HPSE2: variants seen among roughly 807,000 people sequenced by gnomAD.
HPSE2 encodes heparanase 2 (inactive).
A neutral mutation model predicts 60.5 loss-of-function variants in HPSE2; 38 were observed. The observed-to-expected ratio is 0.63, with a 90% CI of 0.48 to 0.82. The LOEUF is 0.82. Among genes scored for constraint, HPSE2 ranks in the 40% least tolerant of loss-of-function variants. The pLI is 0.00. For synonymous variants in HPSE2, 295 were observed against 293.2 expected (o/e 1.01, Z -0.06); for missense variants, 713 against 740.4 (o/e 0.96, Z 0.43).
intron 3 of HPSE2, among the ~76,000 whole-genome samples, chr10:99,119,871 G>A (rs1176087126): frequency 2.6e-5 from 4 of 152,144 alleles, no homozygotes; most frequent in African/African-American, 9.7e-5. Flanking sequence ...AAAAAATGGT[G>A]CTGGACTAAC....
chr10:98,507,163 G>T (rs1307308862), intron 9 of HPSE2, among the ~76,000 whole-genome samples: 2 of 152,182 alleles, frequency 1.3e-5, no homozygotes, highest in East Asian at 3.9e-4. Flanking sequence ...TGGGACAGGA[G>T]AAATCAGGGA....
intron 3 of HPSE2, among the ~76,000 whole-genome samples, chr10:99,049,915 A>G (rs1957950372): frequency 6.6e-6 from 1 of 152,236 alleles, no homozygotes; most frequent in Non-Finnish European, 1.5e-5. Flanking sequence ...GAACAGTCCA[A>G]TTAAAAATGG....
At chr10:98,809,363 T>C (rs1951114894) in intron 3 of HPSE2, among the ~76,000 whole-genome samples, 1 of 152,044 alleles carries the variant, frequency 6.6e-6, no homozygotes, top group Non-Finnish European at 1.5e-5. Flanking sequence ...CTTTTAAAAT[T>C]AGGGTACTAT....
rs1385413118 is a variant in HPSE2, at chr10:98,938,124, C to A, written c.611-194068G>T. 4.9e-5 allele frequency among the ~76,000 whole-genome samples: 7 copies of A among 143,326 alleles called. 2 individuals carry two copies. Among genetic ancestry groups the A allele is most frequent in the African/African-American group, 1.1e-4 (4 of 34,930 alleles). 94.0% of individuals were successfully genotyped at this position (143,326 alleles called of 152,430 possible). ...CATCAAAGACCAAAAGTAGATAAAA[C>A]CACAAAGATGGGGAAAAAACAGAGC... On this transcript the variant is annotated intron_variant, in intron 3 of 11. Coordinates refer to ENST00000370552, the MANE Select transcript of HPSE2 (RefSeq NM_021828.5).
At chr10:98,924,908 AC>A (rs961720634) in intron 3 of HPSE2, among the ~76,000 whole-genome samples, 2 of 151,864 alleles carry the variant, frequency 1.3e-5, no homozygotes, top group Admixed American at 6.6e-5. Flanking sequence ...GGGATGGGTG[AC>A]CCCCCTCTGG....
At chr10:99,213,126 T>C (rs963685325) in intron 2 of HPSE2, among the ~76,000 whole-genome samples, 1 of 152,134 alleles carries the variant, frequency 6.6e-6, no homozygotes, top group Non-Finnish European at 1.5e-5. Flanking sequence ...AGCTTCATTA[T>C]ACTCGAACTA....
the HPSE2 span, among the ~76,000 whole-genome samples, chr10:99,280,576 G>A: frequency 4.6e-5 from 7 of 152,140 alleles, no homozygotes; most frequent in African/African-American, 1.7e-4. Context: ...AGACTCTTAA[G>A]GACAATGGAA....
intron 11 of HPSE2, chr10:98,461,744 G>T (rs753606981): frequency 2.6e-6 from 4 of 1,552,860 alleles, no homozygotes; most frequent in Non-Finnish European, 3.5e-6. Flanking sequence ...AGAATTAGGT[G>T]CAAACCTTTC....
chr10:98,927,230 G>A (rs893522609), intron 3 of HPSE2, among the ~76,000 whole-genome samples: 3 of 152,102 alleles, frequency 2.0e-5, no homozygotes, highest in African/African-American at 7.2e-5. Flanking sequence ...TTATTAATGT[G>A]TGGGAGTCTA....
At chr10:99,285,503 A>AC in the HPSE2 span, among the ~76,000 whole-genome samples, 2 of 90,038 alleles carry the variant, frequency 2.2e-5, no homozygotes, top group Non-Finnish European at 4.0e-5. Flanking sequence ...AGGGAGGGAA[A>AC]GGAAAGGGAA....
In HPSE2 at chr10:99,147,926, A is replaced by T. The variant is rs1846115539; in HGVS notation, c.449-3527T>A. ...AAATGGAAGGTAAAGACATGAACAC[A>T]AATCCTACATTTATACTGAAAATTA... On this transcript the variant is annotated intron_variant, in intron 2 of 11. Coordinates refer to ENST00000370552, the MANE Select transcript of HPSE2 (RefSeq NM_021828.5). Among the ~76,000 whole-genome samples, 3 of 152,206 alleles carry T rather than the reference A, an allele frequency of 2.0e-5. No individual in the cohort carries two copies. The South Asian group carries it at 6.2e-4, about 31-fold the overall frequency.
intron 4 of HPSE2, among the ~76,000 whole-genome samples, chr10:98,735,028 T>C (rs1030687183): frequency 1.4e-4 from 22 of 152,194 alleles, no homozygotes; most frequent in African/African-American, 5.1e-4. Flanking sequence ...TAGTCTACAT[T>C]TGGGTTTACT....
At chr10:98,568,116 A>T (rs955802980) in intron 9 of HPSE2, among the ~76,000 whole-genome samples, 1 of 152,220 alleles carries the variant, frequency 6.6e-6, no homozygotes, top group Non-Finnish European at 1.5e-5. Flanking sequence ...CAGACTTTCT[A>T]CTGTGCCCTG....
intron 3 of HPSE2, among the ~76,000 whole-genome samples, chr10:99,122,149 T>C (rs1844979072): frequency 6.6e-6 from 1 of 152,070 alleles, no homozygotes; most frequent in Non-Finnish European, 1.5e-5. Flanking sequence ...TCAAAATATT[T>C]TTGTCTGTAT....
chr10:98,461,853 C>T (rs1259409713), intron 11 of HPSE2: 2 of 1,489,874 alleles, frequency 1.3e-6, no homozygotes, highest in Non-Finnish European at 9.3e-7. Context: ...GATTAGCAAA[C>T]CTTTAAAAAT....
At position 99,232,404 on chromosome 10, in the gene HPSE2, G is replaced by A. The variant is rs773879783; in HGVS notation, c.392C>T (p.Pro131Leu). 4 of 1,552,314 alleles carry A rather than the reference G, an allele frequency of 2.6e-6. No homozygotes were observed. The highest frequency in any genetic ancestry group is 3.5e-4 in the Middle Eastern group (2 of 5,766). The change falls in exon 2 of 12, where the codon CCG (proline) becomes CTG (leucine). Residue 131 changes from proline (P) to leucine (L), a missense_variant. Physicochemically the swap from Pro to Leu is moderately conservative, Grantham distance 98 (BLOSUM62 -3). Coordinates refer to ENST00000370552, the MANE Select transcript of HPSE2 (RefSeq NM_021828.5). ...GCCCGGGCCCCCGCGGCTTTTCGCCGGGTTCCTCAGGTTCTGGAACTGCAG... is the reference window on the plus strand; with the variant it reads ...GCCCGGGCCCCCGCGGCTTTTCGCCAGGTTCCTCAGGTTCTGGAACTGCAG... ...DFLQFQNLRN[P>L]AKSRGGPGPD...
At chr10:99,161,240 G>C (rs1419163070) in intron 2 of HPSE2, among the ~76,000 whole-genome samples, 1 of 150,616 alleles carries the variant, frequency 6.6e-6, no homozygotes, top group Admixed American at 6.6e-5. Flanking sequence ...AAAAGGACTT[G>C]TACATGAATA....
intron 3 of HPSE2, among the ~76,000 whole-genome samples, chr10:98,932,183 T>C (rs1015190369): frequency 1.4e-5 from 2 of 144,106 alleles, no homozygotes; most frequent in African/African-American, 5.6e-5. Flanking sequence ...CATGAAGGTA[T>C]GTTGAATTTT....
the HPSE2 span, among the ~76,000 whole-genome samples, chr10:99,265,962 C>A: frequency 6.6e-6 from 1 of 152,136 alleles, no homozygotes; most frequent in Non-Finnish European, 1.5e-5. Flanking sequence ...GAAGAAGCAG[C>A]AAGAAGAGCC....
Sources: gnomAD v4.1 joint callset for allele counts (sites outside exome capture counted in the v4.1 genomes callset) on GRCh38, gnomAD v4.1.1 for gene constraint, MANE v1.5 for transcripts, NCBI Gene and HGNC (gene_info 2026-07-23, HGNC 2026-07-21) for gene names.